The following NCAM2 variants were observed in gnomAD, a reference collection of about 807,000 sequenced individuals.
NCAM2 encodes the protein neural cell adhesion molecule 2.
A neutral mutation model predicts 98.1 loss-of-function variants in NCAM2; 30 were observed. That is an observed-to-expected ratio of 0.31 (90% CI 0.23 to 0.41). NCAM2 has a LOEUF of 0.41. Ranked by LOEUF, NCAM2 falls within the 10% of genes least tolerant of loss-of-function variation. NCAM2 has a pLI of 1.00. For synonymous variants in NCAM2, 368 were observed against 342.4 expected (o/e 1.07, Z -0.83); for missense variants, 867 against 1,005.8 (o/e 0.86, Z 1.87).
At chr21:21,011,421 T>TA (rs2064208049) in intron 1 of NCAM2, among the ~76,000 whole-genome samples, 1 of 152,058 alleles carries the variant, frequency 6.6e-6, no homozygotes, top group African/African-American at 2.4e-5. Context: ...TTCAGGTTTT[T>TA]ATCATTTTTT....
intron 1 of NCAM2, among the ~76,000 whole-genome samples, chr21:21,039,802 A>G (rs1275022331): frequency 1.3e-5 from 2 of 152,182 alleles, no homozygotes; most frequent in African/African-American, 2.4e-5. Flanking sequence ...TCTCAAGTAC[A>G]GCACTAAGTG....
chr21:21,097,971 G>A lies in NCAM2; in HGVS notation c.55+99353G>A, dbSNP rs1445290024. 3.8e-4 allele frequency among the ~76,000 whole-genome samples: 7 copies of A among 18,372 alleles called. 3 individuals are homozygous for A. The highest frequency in any genetic ancestry group is 3.3e-3 in the Admixed American group (2 of 606). 12.1% of individuals were successfully genotyped at this position (18,372 alleles called of 152,430 possible). On this transcript the variant is annotated intron_variant, in intron 1 of 17. Coordinates refer to ENST00000400546, the MANE Select transcript of NCAM2 (RefSeq NM_004540.5). ...AAAAATGTGAGTAAATGACAAGGCA[G>A]TGTTAAATCACTGTAGGTTTTTCTT...
chr21:21,093,619 A>G (rs2066058625), intron 1 of NCAM2, among the ~76,000 whole-genome samples: 1 of 151,986 alleles, frequency 6.6e-6, no homozygotes, highest in Non-Finnish European at 1.5e-5. Flanking sequence ...AACTGTCCAC[A>G]TCCATTCTAG....
At chr21:21,079,211 C>T (rs2065742823) in intron 1 of NCAM2, among the ~76,000 whole-genome samples, 1 of 152,166 alleles carries the variant, frequency 6.6e-6, no homozygotes, top group African/African-American at 2.4e-5. Context: ...AAAAAACAAA[C>T]AAACAAAACG....
Position 21,042,111 on chromosome 21 carries a change from T to G in NCAM2, c.55+43493T>G, listed in dbSNP as rs1157606505. On this transcript the variant is annotated intron_variant, in intron 1 of 17. Transcript: ENST00000400546. ...ATACTATCTATAAAGAATATAAAGT[T>G]TGGAAGATGGGTCAATCTGACTCTA... Among the ~76,000 whole-genome samples the G allele has an allele frequency of 2.6e-5, 4 of 152,184 alleles. No individual in the cohort carries two copies. The East Asian group carries it at 7.7e-4, about 29-fold the overall frequency.
At chr21:21,367,635 A>G (rs537259205) in intron 8 of NCAM2, among the ~76,000 whole-genome samples, 27 of 152,098 alleles carry the variant, frequency 1.8e-4, no homozygotes, top group Middle Eastern at 6.8e-3. Context: ...TATGAAACTC[A>G]TATTTATTGC....
At chr21:21,510,794 TATA>T (rs1389495055) in intron 16 of NCAM2, among the ~76,000 whole-genome samples, 1 of 152,064 alleles carries the variant, frequency 6.6e-6, no homozygotes, top group African/African-American at 2.4e-5. Context: ...CTCATGGAAG[TATA>T]ATATTCTAAA....
intron 8 of NCAM2, among the ~76,000 whole-genome samples, chr21:21,353,185 T>C (rs766670691): frequency 2.6e-5 from 4 of 152,212 alleles, no homozygotes; most frequent in Non-Finnish European, 4.4e-5. Context: ...ATATGTTAAC[T>C]CCGTTTCAAT....
chr21:21,374,149 A>G, intron 9 of NCAM2, 136 bp downstream of exon 9: 1 of 737,314 alleles, frequency 1.4e-6, no homozygotes, highest in South Asian at 2.3e-5. Context: ...AAATATAGGA[A>G]TCATTCAGTC....
intron 10 of NCAM2, among the ~76,000 whole-genome samples, chr21:21,417,493 A>G (rs1222403690): frequency 1.3e-5 from 2 of 152,014 alleles, no homozygotes; most frequent in Non-Finnish European, 2.9e-5. Context: ...TCCCATTACT[A>G]CAAAATCATT....
intron 15 of NCAM2, among the ~76,000 whole-genome samples, chr21:21,500,406 T>C (rs1030569412): frequency 2.0e-5 from 3 of 152,142 alleles, no homozygotes; most frequent in African/African-American, 7.2e-5. Context: ...AGGCCCCACC[T>C]GGTGTGATGC....
At chr21:21,153,478 TAATAG>T (rs1241683611) in intron 1 of NCAM2, among the ~76,000 whole-genome samples, 1 of 151,850 alleles carries the variant, frequency 6.6e-6, no homozygotes, top group African/African-American at 2.4e-5. Flanking sequence ...ATGTATAATA[TAATAG>T]AAAAGTATGA....
intron 1 of NCAM2, among the ~76,000 whole-genome samples, chr21:21,204,230 A>G (rs1327958677): frequency 6.6e-6 from 1 of 152,126 alleles, no homozygotes; most frequent in Non-Finnish European, 1.5e-5. Context: ...TTTGATGTCT[A>G]CTGCTGCTGC....
chr21:21,263,417 T>A (rs1039733987), intron 1 of NCAM2, among the ~76,000 whole-genome samples: 1 of 152,092 alleles, frequency 6.6e-6, no homozygotes, highest in Non-Finnish European at 1.5e-5. Flanking sequence ...AAAATCAATA[T>A]TGTTAAAATA....
At chr21:21,109,489 C>T (rs2066412972) in intron 1 of NCAM2, among the ~76,000 whole-genome samples, 2 of 152,038 alleles carry the variant, frequency 1.3e-5, no homozygotes, top group African/African-American at 4.8e-5. Context: ...ATTGCAATAG[C>T]TCTTTTTTCT....
intron 1 of NCAM2, among the ~76,000 whole-genome samples, chr21:21,066,015 T>G (rs941233243): frequency 6.6e-6 from 1 of 152,192 alleles, no homozygotes; most frequent in Non-Finnish European, 1.5e-5. Context: ...TCTCCAGATT[T>G]ACTGAGCAGG....
At chr21:21,098,093 C>T (rs2066161482) in intron 1 of NCAM2, among the ~76,000 whole-genome samples, 1 of 149,646 alleles carries the variant, frequency 6.7e-6, no homozygotes, top group Non-Finnish European at 1.5e-5. Flanking sequence ...GTTGAATGTA[C>T]TACACATATA....
At chr21:21,152,116 T>A (rs1326369207) in intron 1 of NCAM2, among the ~76,000 whole-genome samples, 5 of 152,054 alleles carry the variant, frequency 3.3e-5, no homozygotes, top group South Asian at 4.1e-4. Context: ...TCACAGTCAA[T>A]GACTGATGCT....
intron 9 of NCAM2, among the ~76,000 whole-genome samples, chr21:21,394,844 G>A (rs978234657): frequency 6.6e-6 from 1 of 152,030 alleles, no homozygotes; most frequent in Non-Finnish European, 1.5e-5. Flanking sequence ...CCAAATTTCT[G>A]TGTCTTTAGA....
Sources: allele counts gnomAD v4.1 joint callset (sites outside exome capture counted in the v4.1 genomes callset), GRCh38; gene constraint gnomAD v4.1.1; transcripts MANE v1.5; gene names NCBI Gene and HGNC (gene_info 2026-07-23, HGNC 2026-07-21).